Variants in LRRC45 observed in about 807,000 individuals in gnomAD.
LRRC45 encodes leucine-rich repeat-containing protein 45.
LRRC45 carries 73 observed loss-of-function variants against 85.4 expected under a neutral mutation model. That is an observed-to-expected ratio of 0.85 (90% CI 0.71 to 1.04). The LOEUF (loss-of-function observed/expected upper bound fraction) is 1.04. Among genes scored for constraint, LRRC45 ranks in the 50% least tolerant of loss-of-function variants. The probability of loss-of-function intolerance (pLI) is 0.00; values close to 1 mark genes in which losing one functional copy is unlikely to be tolerated. For missense variants in LRRC45, 937 were observed against 883.3 expected, an observed-to-expected ratio of 1.06 and a Z score of -0.77; for synonymous variants, 429 against 386.0, an observed-to-expected ratio of 1.11 and a Z score of -1.31.
At position 82,026,974 on chromosome 17, in the gene LRRC45, AG is replaced by A; in HGVS notation, c.739del (p.Glu247ArgfsTer16). The A allele has an allele frequency of 6.2e-7, 1 of 1,606,750 alleles. No homozygotes were observed. The highest frequency in any genetic ancestry group is 8.5e-7 in the Non-Finnish European group (1 of 1,178,460). On this transcript the variant is annotated frameshift_variant, in exon 6 of 17. Coordinates refer to ENST00000306688, the MANE Select transcript of LRRC45 (RefSeq NM_144999.4). LOFTEE classifies it high-confidence loss of function. The stretch of plus-strand genomic sequence containing the variant: ...CAAGCCCGCACTCACGTCCTCAGCA[AG>A]GAGGTCCAGCACCTCCGGGAGGAGA... ...ENQARTHVLS[K>X]EVQHLREEKS... is the part of the protein sequence containing the mutation.
Position 82,024,353 on chromosome 17 carries a change from A to T in LRRC45, c.282+14A>T, listed in dbSNP as rs778220280. 2.5e-6 allele frequency: 4 copies of T among 1,611,420 alleles called. No homozygotes were observed. The highest frequency in any genetic ancestry group is 3.4e-6 in the Non-Finnish European group (4 of 1,179,802). ...CTGGACTTAAAGGTGAGATACCTGCACTCTTGAGTGTCCGAGTGTGCCACC... is the reference window on the plus strand; with the variant it reads ...CTGGACTTAAAGGTGAGATACCTGCTCTCTTGAGTGTCCGAGTGTGCCACC... On this transcript the variant is annotated intron_variant, in intron 2 of 16. Transcript: ENST00000306688.
chr17:82,023,751 C>G lies in LRRC45; in HGVS notation c.108C>G (p.Asp36Glu). ...QLHQLPRGRL[D>E]LATQSLTVET... ...ACCAGCTTCCCAGGGGCCGGCTGGACCTGGCCACGCAAAGCCTGACGGTGG... is the reference window on the plus strand; with the variant it reads ...ACCAGCTTCCCAGGGGCCGGCTGGAGCTGGCCACGCAAAGCCTGACGGTGG... Residue 36 changes from aspartate to glutamate, a missense_variant, in exon 1 of 17, where the codon GAC (aspartate) becomes GAG (glutamate). Transcript: ENST00000306688. 1 of 1,554,994 alleles carries G rather than the reference C, an allele frequency of 6.4e-7. No individual in the cohort carries two copies. Among genetic ancestry groups the G allele is most frequent in the South Asian group, 1.2e-5 (1 of 84,594 alleles).
intron 5 of LRRC45, among the ~76,000 whole-genome samples, chr17:82,026,593 T>TGTGTGTGTGTGTGA (rs2144142865): frequency 6.6e-6 from 1 of 151,838 alleles, no homozygotes; most frequent in African/African-American, 2.4e-5. Flanking sequence ...TGTGTGTGTG[T>TGTGTGTGTGTGTGA]GTGTGTGACT....
In LRRC45 at chr17:82,030,405, G is replaced by A. The variant is rs375643806; in HGVS notation, c.1755G>A (p.Ala585=). Residue 585 remains alanine, a synonymous_variant, in exon 16 of 17, where the codon GCG becomes GCA. Transcript: ENST00000306688. ...AGGAGCAGAACGGCCGGCTGCAGGC[G>A]GAGCTGGCGGCTCAGGAGGCGCTGA... ...ELQEQNGRLQ[A]ELAAQEALRE... is the part of the protein sequence containing the mutation. 3.2e-6 allele frequency: 5 copies of A among 1,549,442 alleles called. No homozygotes were observed. In the African/African-American group the frequency reaches 6.8e-5, roughly 21 times the overall value.
rs760463656 is a variant in LRRC45, at chr17:82,029,173, G to A, written c.1389G>A (p.Leu463=). The change falls in exon 13 of 17, where the codon CTG becomes CTA. Residue 463 remains leucine, a synonymous_variant. Transcript: ENST00000306688. The part of the protein sequence containing the change: ...ERVQRLEAAR[L]SLEEELSRVK... Reference sequence around the variant, plus strand: ...TGCAGAGGCTGGAGGCGGCGCGGCTGTCCCTGGAGGAGGTGAGTGCCCACC... The same window carrying A: ...TGCAGAGGCTGGAGGCGGCGCGGCTATCCCTGGAGGAGGTGAGTGCCCACC... 2 of 1,610,596 alleles carry A rather than the reference G, an allele frequency of 1.2e-6. No homozygotes were observed. The highest frequency in any genetic ancestry group is 1.3e-5 in the African/African-American group (1 of 74,894).
At chr17:82,027,600 G>A (rs2043379726) in intron 7 of LRRC45, 74 bp from the exon 8 acceptor site, 1 of 1,544,258 alleles carries the variant, frequency 6.5e-7, no homozygotes, top group Non-Finnish European at 8.9e-7. Context: ...AACAGCAGCA[G>A]CTACCGAGGC....
In LRRC45 at chr17:82,030,954, T is replaced by C; in HGVS notation, c.*149T>C. The C allele has an allele frequency of 1.8e-6, 1 of 568,296 alleles. No individual in the cohort carries two copies. The highest frequency in any genetic ancestry group is 2.6e-6 in the Non-Finnish European group (1 of 379,012). 35.2% of individuals were successfully genotyped at this position (568,296 alleles called of 1,614,324 possible). A position where few individuals can be genotyped will look rare whatever the true frequency, so the allele number is the denominator to read the frequency against. ...CGGCGACTGTTGGTGGTGTCGCGGC[T>C]GCGGGGGAACCCCGTGGGAGGCGCC... On this transcript the variant is annotated 3_prime_UTR_variant, in exon 17 of 17. Transcript: ENST00000306688.
chr17:82,025,511 C>T lies in LRRC45; in HGVS notation c.661+4C>T, dbSNP rs746067182. ...GGAGACGTCCTCAGAGCCGTGGGTACGGTGCAGGGCTGTGTGGAGTGACGC... is the reference window on the plus strand; with the variant it reads ...GGAGACGTCCTCAGAGCCGTGGGTATGGTGCAGGGCTGTGTGGAGTGACGC... On this transcript the variant is annotated splice_donor_region_variant and intron_variant, in intron 5 of 16. Transcript: ENST00000306688. 43 of 1,574,698 alleles carry T rather than the reference C, an allele frequency of 2.7e-5. No homozygotes were observed. The highest frequency in any genetic ancestry group is 1.7e-4 in the Middle Eastern group (1 of 5,942).
chr17:82,026,904 G>A lies in LRRC45; in HGVS notation c.667G>A (p.Ala223Thr). Residue 223 changes from alanine to threonine, a missense_variant, in exon 6 of 17, where the codon GCC becomes ACC. Coordinates refer to ENST00000306688, the MANE Select transcript of LRRC45 (RefSeq NM_144999.4). The stretch of plus-strand genomic sequence containing the variant: ...TGACACAGCTCCTTCTGCAGAGCAA[G>A]CCATGGGCCACAGCCAGGACCGGCT... The part of the protein sequence containing the change: ...PGDVLRAVEQ[A>T]MGHSQDRLTT... 6.2e-7 allele frequency: 1 copy of A among 1,602,652 alleles called. No homozygotes were observed. Among genetic ancestry groups the A allele is most frequent in the East Asian group, 2.2e-5 (1 of 44,554 alleles).
chr17:82,027,628 G>C (rs77274835), intron 7 of LRRC45, 46 bp from the exon 8 acceptor site: 1 of 1,580,410 alleles, frequency 6.3e-7, no homozygotes, highest in East Asian at 2.3e-5. Context: ...GTATGGGAGC[G>C]CTCTGGGGTT....
Position 82,028,132 on chromosome 17 carries a change from A to G in LRRC45, c.1033A>G (p.Lys345Glu). Residue 345 changes from lysine to glutamate, a missense_variant, in exon 9 of 17, where the codon AAG becomes GAG. By Grantham distance (56) the Lys-to-Glu change is moderately conservative (BLOSUM62 1). Transcript: ENST00000306688. ...SLSQRQAKEL[K>E]LEQQEAAERE... ...GTCACAGAGGCAGGCCAAGGAGCTC[A>G]AGCTGGAGCAGCAGGTGGGTGGGCA... The G allele has an allele frequency of 6.4e-7, 1 of 1,568,548 alleles. No homozygotes were observed. The highest frequency in any genetic ancestry group is 8.6e-7 in the Non-Finnish European group (1 of 1,157,542).
intron 12 of LRRC45, 64 bp from the exon 13 acceptor site, chr17:82,029,029 C>A: frequency 1.4e-6 from 2 of 1,449,876 alleles, no homozygotes; most frequent in South Asian, 1.2e-5. Context: ...GGTGGGGAGT[C>A]CGTGAGGAGA....
rs368749992 is a variant in LRRC45, at chr17:82,030,593, G to C, written c.1817-16G>C. On this transcript the variant is annotated splice_polypyrimidine_tract_variant and intron_variant, in intron 16 of 16. Coordinates refer to ENST00000306688, the MANE Select transcript of LRRC45 (RefSeq NM_144999.4). ...CGCTGGGGCTGCGTCCGCTCACTGC[G>C]CTCCTTGCCCTGCAGTGATGGCGAG... The C allele has an allele frequency of 3.4e-6, 5 of 1,460,766 alleles. No individual in the cohort carries two copies. Among genetic ancestry groups the C allele is most frequent in the South Asian group, 2.7e-5 (2 of 75,086 alleles). The allele number at this position is 1,460,766 out of a possible 1,614,324, so 90.5% of individuals were successfully genotyped here.
intron 13 of LRRC45, 76 bp downstream of exon 13, chr17:82,029,261 G>A (rs955000521): frequency 4.1e-5 from 57 of 1,389,878 alleles, no homozygotes; most frequent in African/African-American, 1.9e-4. Context: ...GGTGTTCGCC[G>A]CCTCAGGACC....
At chr17:82,026,666 A>G (rs1258700095) in intron 5 of LRRC45, 4 of 384,000 alleles carry the variant, frequency 1.0e-5, no homozygotes, top group East Asian at 6.1e-5. Context: ...TGCAACCTCC[A>G]CCTCCCGGTT....
chr17:82,025,536 C>T (rs769492480), intron 5 of LRRC45, 29 bp downstream of exon 5: 8 of 1,516,726 alleles, frequency 5.3e-6, no homozygotes, highest in African/African-American at 4.2e-5. Context: ...TGGAGTGACG[C>T]GTGAGCCTTT....
chr17:82,026,517 C>T (rs546665456), intron 5 of LRRC45, among the ~76,000 whole-genome samples: 1 of 151,924 alleles, frequency 6.6e-6, no homozygotes, highest in African/African-American at 2.4e-5. Flanking sequence ...GGCTGGTGGC[C>T]ACCAGCTACT....
At chr17:82,024,932 C>G in intron 3 of LRRC45, 68 bp from the exon 4 acceptor site, 1 of 1,463,532 alleles carries the variant, frequency 6.8e-7, no homozygotes, top group Non-Finnish European at 9.1e-7. Context: ...CCACACCCGT[C>G]CCCAAGCCCT....
intron 7 of LRRC45, 63 bp from the exon 8 acceptor site, chr17:82,027,611 C>G: frequency 6.4e-7 from 1 of 1,568,016 alleles, no homozygotes; most frequent in Non-Finnish European, 8.7e-7. Flanking sequence ...CTACCGAGGC[C>G]AGAGGGGTAT....
Sources: gnomAD v4.1 joint callset for allele counts (sites outside exome capture counted in the v4.1 genomes callset) on GRCh38, gnomAD v4.1.1 for gene constraint, MANE v1.5 for transcripts, NCBI Gene and HGNC (gene_info 2026-07-23, HGNC 2026-07-21) for gene names.